The following MCC variants were observed in gnomAD, a reference collection of about 807,000 sequenced individuals.
MCC encodes the protein colorectal mutant cancer protein.
MCC carries 90 observed loss-of-function variants against 116.2 expected under a neutral mutation model. The ratio of observed to expected loss-of-function variants is 0.77; its 90% CI spans 0.65 to 0.92. MCC has a LOEUF of 0.92. MCC is among the 40% of genes least tolerant of loss of function. MCC has a pLI of 0.00. For missense variants in MCC, 1,516 were observed against 1,312.2 expected, an observed-to-expected ratio of 1.16 and a Z score of -2.40; for synonymous variants, 578 against 510.5, an observed-to-expected ratio of 1.13 and a Z score of -1.78.
intron 3 of MCC, among the ~76,000 whole-genome samples, chr5:113,317,243 T>C (rs914210650): frequency 5.3e-5 from 8 of 152,192 alleles, no homozygotes; most frequent in African/African-American, 1.4e-4. Context: ...AGCATATGAA[T>C]TAAATTTTCT....
chr5:113,471,587 G>A (rs879286020), intron 1 of MCC, among the ~76,000 whole-genome samples: 4 of 152,130 alleles, frequency 2.6e-5, no homozygotes, highest in East Asian at 1.9e-4. Flanking sequence ...CTACTGGGGG[G>A]TGCCTCCCAG....
intron 1 of MCC, among the ~76,000 whole-genome samples, chr5:113,470,726 C>T (rs1772061723): frequency 6.7e-6 from 1 of 149,110 alleles, no homozygotes; most frequent in African/African-American, 2.5e-5. Context: ...TGAATATTGG[C>T]CTGCCTTGCT....
At chr5:113,320,767 A>G (rs566995275) in intron 3 of MCC, among the ~76,000 whole-genome samples, 2 of 152,340 alleles carry the variant, frequency 1.3e-5, no homozygotes, top group Admixed American at 6.5e-5. Flanking sequence ...ACACTGCTAA[A>G]TGAAAACCAT....
At chr5:113,234,951 C>T (rs967041664) in intron 3 of MCC, among the ~76,000 whole-genome samples, 4 of 152,248 alleles carry the variant, frequency 2.6e-5, no homozygotes, top group South Asian at 4.2e-4. Flanking sequence ...TTCTTGAGTT[C>T]GCTGCCAGAA....
chr5:113,397,846 A>C (rs1463179217), intron 1 of MCC, among the ~76,000 whole-genome samples: 2 of 152,244 alleles, frequency 1.3e-5, no homozygotes, highest in Non-Finnish European at 2.9e-5. Context: ...AGTGGGACCT[A>C]ATTAAACAAA....
chr5:113,383,841 TAAG>T (rs1284278239), intron 2 of MCC, among the ~76,000 whole-genome samples: 2 of 152,174 alleles, frequency 1.3e-5, no homozygotes, highest in East Asian at 1.9e-4. Context: ...TACTCAATAA[TAAG>T]AAGCATTGTT....
rs1274412588 is a variant in MCC, at chr5:113,184,347, A to AT, written c.628-32926dup. Among the ~76,000 whole-genome samples, 4 of 151,864 alleles carry AT rather than the reference A, an allele frequency of 2.6e-5. No homozygotes were observed. In the South Asian group the frequency reaches 6.2e-4, roughly 24 times the overall value. Reference sequence around the variant, plus strand: ...GTTTTCCATATGCTAAGCATAACTTATTTTTTCTGGTTTGGATGGGTTAGA... The same window carrying AT: ...GTTTTCCATATGCTAAGCATAACTTATTTTTTTCTGGTTTGGATGGGTTAGA... On this transcript the variant is annotated intron_variant, in intron 3 of 18. Coordinates refer to ENST00000408903, the MANE Select transcript of MCC (RefSeq NM_001085377.2).
rs749297746 is a variant in MCC at position 113,053,955 on chromosome 5, T to C, written c.2218A>G (p.Thr740Ala). ...SLSSNSHTST[T>A]SSTASSCDTE... is the part of the protein sequence containing the mutation. ...TCGCAACTACTGGCTGTGGAGCTGG[T>C]TGTGCTGAGAAAGAAGAAAAACAAA... is the stretch of plus-strand genomic sequence containing the variant. Residue 740 changes from threonine (T) to alanine (A), a missense_variant, in exon 15 of 19, where the codon ACC becomes GCC. By Grantham distance (58) the Thr-to-Ala change is moderately conservative. Coordinates refer to ENST00000408903, the MANE Select transcript of MCC (RefSeq NM_001085377.2). The C allele has an allele frequency of 8.7e-6, 14 of 1,609,084 alleles. No homozygotes were observed. Among genetic ancestry groups the C allele is most frequent in the African/African-American group, 2.7e-5 (2 of 74,830 alleles).
At chr5:113,182,236 C>T (rs975404535) in intron 3 of MCC, among the ~76,000 whole-genome samples, 10 of 152,222 alleles carry the variant, frequency 6.6e-5, no homozygotes, top group African/African-American at 2.2e-4. Flanking sequence ...TACAGATTCT[C>T]TTCATTCAGT....
chr5:113,309,898 T>TTTCC (rs899163022), intron 3 of MCC, among the ~76,000 whole-genome samples: 1 of 149,308 alleles, frequency 6.7e-6, no homozygotes, highest in African/African-American at 2.5e-5. Flanking sequence ...TCCTTCCTTC[T>TTTCC]TTCCTTCCTT....
intron 2 of MCC, among the ~76,000 whole-genome samples, chr5:113,346,010 C>CT (rs1422534934): frequency 2.0e-5 from 3 of 152,102 alleles, no homozygotes; most frequent in Non-Finnish European, 4.4e-5. Flanking sequence ...ATTTAGAATT[C>CT]TATCAGATAA....
intron 3 of MCC, among the ~76,000 whole-genome samples, chr5:113,255,875 G>A (rs1418008866): frequency 6.6e-6 from 1 of 152,144 alleles, no homozygotes; most frequent in Non-Finnish European, 1.5e-5. Context: ...CGTTATGCAA[G>A]CACAGCAAAG....
intron 3 of MCC, among the ~76,000 whole-genome samples, chr5:113,300,316 G>A (rs538045845): frequency 1.3e-5 from 2 of 152,266 alleles, no homozygotes; most frequent in South Asian, 2.1e-4. Context: ...CCACTGTGCT[G>A]AGGAAGCCTG....
chr5:113,040,294 T>C (rs1222607238), intron 17 of MCC, among the ~76,000 whole-genome samples: 1 of 151,830 alleles, frequency 6.6e-6, no homozygotes, highest in Non-Finnish European at 1.5e-5. Context: ...GAGGTTGGGT[T>C]GGGGACAGTG....
chr5:113,413,566 T>C (rs1770052854), intron 1 of MCC, among the ~76,000 whole-genome samples: 1 of 152,238 alleles, frequency 6.6e-6, no homozygotes, highest in South Asian at 2.1e-4. Flanking sequence ...CATAGAGGTG[T>C]TTATAGTATT....
At chr5:113,180,103 G>C (rs903503040) in intron 3 of MCC, among the ~76,000 whole-genome samples, 6 of 152,282 alleles carry the variant, frequency 3.9e-5, no homozygotes, top group African/African-American at 1.4e-4. Context: ...CCGATTTTAG[G>C]AAGGGGTCGC....
chr5:113,209,975 T>C (rs1369583059), intron 3 of MCC, among the ~76,000 whole-genome samples: 1 of 152,210 alleles, frequency 6.6e-6, no homozygotes, highest in Non-Finnish European at 1.5e-5. Context: ...AAACCGTCTA[T>C]CGGAGTGATA....
intron 3 of MCC, among the ~76,000 whole-genome samples, chr5:113,236,716 G>A (rs1041437677): frequency 5.9e-5 from 9 of 152,180 alleles, no homozygotes; most frequent in African/African-American, 1.9e-4. Flanking sequence ...TGAACACCTA[G>A]GTTAGGGCAG....
At chr5:113,347,047 AT>A (rs1768151913) in intron 2 of MCC, among the ~76,000 whole-genome samples, 1 of 152,120 alleles carries the variant, frequency 6.6e-6, no homozygotes, top group African/African-American at 2.4e-5. Flanking sequence ...AATCTGAGGG[AT>A]TTCATCAACA....
Sources: allele counts gnomAD v4.1 joint callset (sites outside exome capture counted in the v4.1 genomes callset), GRCh38; gene constraint gnomAD v4.1.1; transcripts MANE v1.5; gene names NCBI Gene and HGNC (gene_info 2026-07-23, HGNC 2026-07-21).